Variants in UBE2K observed in about 807,000 individuals in gnomAD.
UBE2K encodes ubiquitin-conjugating enzyme E2 K.
Under a neutral mutation model 30.0 loss-of-function variants are expected in UBE2K, and 6 were observed. That is an observed-to-expected ratio of 0.20 (90% CI 0.11 to 0.39). The LOEUF (loss-of-function observed/expected upper bound fraction) is 0.39, where lower values mean the gene tolerates loss of function less well. UBE2K is among the 10% of genes least tolerant of loss of function. The pLI, the probability that UBE2K is intolerant of heterozygous loss-of-function variation, is 1.00. For missense variants in UBE2K, 61 were observed against 241.6 expected, an observed-to-expected ratio of 0.25 and a Z score of 4.96; for synonymous variants, 86 against 83.7, an observed-to-expected ratio of 1.03 and a Z score of -0.15.
intron 2 of UBE2K, among the ~76,000 whole-genome samples, chr4:39,738,727 G>C (rs1720508707): frequency 6.6e-6 from 1 of 152,154 alleles, no homozygotes; most frequent in Non-Finnish European, 1.5e-5. Context: ...ACCCAGCCTG[G>C]AGTGCGGTGG....
At chr4:39,771,212 G>A (rs977542540) in intron 4 of UBE2K, 1 of 1,612,598 alleles carries the variant, frequency 6.2e-7, no homozygotes, top group Non-Finnish European at 8.5e-7. Flanking sequence ...CGTGCACTGT[G>A]CATCAGGGAG....
rs73808497 is a variant in UBE2K, at chr4:39,756,309, A to G, written c.299+570A>G. The stretch of plus-strand genomic sequence containing the variant: ...CACATCTTGGCTCTCCAGTTTACCA[A>G]GCTGCATGGTTATGAGCAAATTACC... On this transcript the variant is annotated intron_variant, in intron 4 of 6. Coordinates refer to ENST00000261427, the MANE Select transcript of UBE2K (RefSeq NM_005339.5). 4.0e-3 allele frequency among the ~76,000 whole-genome samples: 610 copies of G among 152,350 alleles called. 4 individuals are homozygous for G. The highest frequency in any genetic ancestry group is 0.014 in the African/African-American group (574 of 41,580).
rs564028477 is a variant in UBE2K at position 39,730,916 on chromosome 4, T to C, written c.64-6504T>C. On this transcript the variant is annotated intron_variant, in intron 1 of 6. Coordinates refer to ENST00000261427, the MANE Select transcript of UBE2K (RefSeq NM_005339.5). Reference sequence around the variant, plus strand: ...CCTCCGCCTCTCGGGTTCAAGCAGTTCTCCTGCCTTAGAATTTCAAGTAGC... The same window carrying C: ...CCTCCGCCTCTCGGGTTCAAGCAGTCCTCCTGCCTTAGAATTTCAAGTAGC... Among the ~76,000 whole-genome samples the C allele has an allele frequency of 1.1e-4, 17 of 151,452 alleles. No homozygotes were observed. In the East Asian group the frequency reaches 1.4e-3, roughly 12 times the overall value.
intron 3 of UBE2K, among the ~76,000 whole-genome samples, chr4:39,752,616 A>G (rs1014114464): frequency 2.0e-5 from 3 of 152,130 alleles, no homozygotes; most frequent in African/African-American, 7.2e-5. Context: ...GATTACAGGC[A>G]TGAGCCACTG....
intron 4 of UBE2K, 36 bp from the exon 5 acceptor site, chr4:39,774,798 C>A: frequency 1.5e-6 from 2 of 1,357,358 alleles, no homozygotes; most frequent in Admixed American, 2.4e-5. Context: ...CTGCAGAGCC[C>A]TCTTAATTGG....
intron 1 of UBE2K, among the ~76,000 whole-genome samples, chr4:39,713,644 A>T (rs1177837415): frequency 6.6e-6 from 1 of 151,942 alleles, no homozygotes; most frequent in Non-Finnish European, 1.5e-5. Flanking sequence ...TGTAGCTATC[A>T]CCACCATCCA....
intron 1 of UBE2K, among the ~76,000 whole-genome samples, chr4:39,707,685 C>CTAATTTTTA (rs1429807463): frequency 6.6e-6 from 1 of 151,518 alleles, no homozygotes; most frequent in Non-Finnish European, 1.5e-5. Flanking sequence ...CCACACCTGG[C>CTAATTTTTA]TAATTTTTAT....
In UBE2K at chr4:39,770,220, G is replaced by A. The variant is rs550711636; in HGVS notation, c.300-4614G>A. ...CATGTCGCAGTAGGAGCAGCGGTAGGGCTGCGCTCCCGAGTGCAGGTTGAG... is the reference window on the plus strand; with the variant it reads ...CATGTCGCAGTAGGAGCAGCGGTAGAGCTGCGCTCCCGAGTGCAGGTTGAG... On this transcript the variant is annotated intron_variant, in intron 4 of 6. Coordinates refer to ENST00000261427, the MANE Select transcript of UBE2K (RefSeq NM_005339.5). 4.7e-5 allele frequency: 76 copies of A among 1,611,658 alleles called. No homozygotes were observed. In the African/African-American group the frequency reaches 9.5e-4, roughly 20 times the overall value.
At chr4:39,751,600 A>C (rs1310739310) in intron 3 of UBE2K, among the ~76,000 whole-genome samples, 2 of 152,226 alleles carry the variant, frequency 1.3e-5, no homozygotes, top group Non-Finnish European at 2.9e-5. Flanking sequence ...AATTGAGCTC[A>C]GGAGCTCGAG....
chr4:39,751,224 T>C (rs969308815), intron 3 of UBE2K, among the ~76,000 whole-genome samples: 4 of 152,148 alleles, frequency 2.6e-5, no homozygotes, highest in African/African-American at 9.7e-5. Context: ...ATTATAGACA[T>C]GAGCCACCAT....
At chr4:39,740,862 C>CA (rs57382171) in intron 2 of UBE2K, among the ~76,000 whole-genome samples, 1,726 of 69,456 alleles carry the variant, frequency 0.025, 53 homozygotes, top group African/African-American at 0.056. Context: ...GACTCCGTCT[C>CA]AAAAAAAAAA....
chr4:39,717,509 G>A (rs1283145009), intron 1 of UBE2K, among the ~76,000 whole-genome samples: 2 of 151,966 alleles, frequency 1.3e-5, no homozygotes, highest in South Asian at 2.1e-4. Context: ...GATTACAGGC[G>A]TGAGCCACCA....
rs567950916 is a variant in UBE2K at position 39,739,129 on chromosome 4, G to A, written c.157+1616G>A. On this transcript the variant is annotated intron_variant, in intron 2 of 6. Coordinates refer to ENST00000261427, the MANE Select transcript of UBE2K (RefSeq NM_005339.5). ...TGCAAGCTTCGCCTCCTGGATTCACGCCATTCTCCTGCCTCAGCCTTCCGA... is the reference window on the plus strand; with the variant it reads ...TGCAAGCTTCGCCTCCTGGATTCACACCATTCTCCTGCCTCAGCCTTCCGA... Among the ~76,000 whole-genome samples, 213 of 151,664 alleles carry A rather than the reference G, an allele frequency of 1.4e-3. 1 individual carries two copies. Among genetic ancestry groups the A allele is most frequent in the Non-Finnish European group, 2.4e-3 (161 of 67,958 alleles).
At chr4:39,759,129 A>C (rs1161627485) in intron 4 of UBE2K, among the ~76,000 whole-genome samples, 7 of 152,210 alleles carry the variant, frequency 4.6e-5, no homozygotes, top group African/African-American at 1.7e-4. Context: ...AAAAATACAG[A>C]GTCTTAATCA....
In UBE2K at chr4:39,777,827, A is replaced by G; in HGVS notation, c.528+17A>G. 1 of 1,395,110 alleles carries G rather than the reference A, an allele frequency of 7.2e-7. No individual in the cohort carries two copies. The highest frequency in any genetic ancestry group is 9.4e-7 in the Non-Finnish European group (1 of 1,068,544). 86.4% of individuals were successfully genotyped at this position (1,395,110 alleles called of 1,614,324 possible). On this transcript the variant is annotated intron_variant, in intron 6 of 6. Coordinates refer to ENST00000261427, the MANE Select transcript of UBE2K (RefSeq NM_005339.5). ...TTTGATAGGGTAAGTACATAAGGGC[A>G]TGTTGATTTTGATATATTGATTGAT...
At chr4:39,770,444 C>T (rs1273958446) in intron 4 of UBE2K, 3 of 1,611,784 alleles carry the variant, frequency 1.9e-6, no homozygotes, top group African/African-American at 1.3e-5. Context: ...GGAACACTTC[C>T]GGGCACTTGG....
intron 1 of UBE2K, among the ~76,000 whole-genome samples, chr4:39,735,962 A>G (rs1720354488): frequency 6.6e-6 from 1 of 152,144 alleles, no homozygotes; most frequent in African/African-American, 2.4e-5. Context: ...TTTATGAACT[A>G]AACGTTCTGT....
At chr4:39,725,743 A>G (rs1173066053) in intron 1 of UBE2K, among the ~76,000 whole-genome samples, 3 of 152,110 alleles carry the variant, frequency 2.0e-5, no homozygotes, top group Non-Finnish European at 4.4e-5. Flanking sequence ...CCTGCGTTCA[A>G]GTGACCCTCC....
chr4:39,709,458 C>T (rs1332928961), intron 1 of UBE2K, among the ~76,000 whole-genome samples: 1 of 151,970 alleles, frequency 6.6e-6, no homozygotes, highest in Non-Finnish European at 1.5e-5. Flanking sequence ...TGTCAACCAT[C>T]GTCCAAAAAT....
Sources: gnomAD v4.1 joint callset for allele counts (sites outside exome capture counted in the v4.1 genomes callset) on GRCh38, gnomAD v4.1.1 for gene constraint, MANE v1.5 for transcripts, NCBI Gene and HGNC (gene_info 2026-07-23, HGNC 2026-07-21) for gene names.